Variants in CPT1A observed in about 807,000 individuals in gnomAD.
The protein encoded by CPT1A is carnitine palmitoyltransferase 1A, also known as carnitine O-palmitoyltransferase 1, liver isoform.
Under a neutral mutation model 100.8 loss-of-function variants are expected in CPT1A, and 64 were observed. That is an observed-to-expected ratio of 0.63 (90% CI 0.52 to 0.78). The LOEUF (loss-of-function observed/expected upper bound fraction) is 0.78. Ranked by LOEUF, CPT1A falls within the 30% of genes least tolerant of loss-of-function variation. The pLI is 0.00. For synonymous variants in CPT1A, 363 were observed against 396.0 expected (o/e 0.92, Z 0.99); for missense variants, 802 against 1,034.1 (o/e 0.78, Z 3.08).
chr11:68,765,451 C>T (rs1290330843), intron 14 of CPT1A, among the ~76,000 whole-genome samples: 3 of 152,122 alleles, frequency 2.0e-5, no homozygotes, highest in African/African-American at 4.8e-5. Flanking sequence ...TGTGACCAGC[C>T]GCCATCAGGA....
At chr11:68,764,195 T>G (rs1029544380) in intron 14 of CPT1A, among the ~76,000 whole-genome samples, 5 of 152,190 alleles carry the variant, frequency 3.3e-5, no homozygotes, top group African/African-American at 1.2e-4. Flanking sequence ...GAACAGCATC[T>G]GCGTGCTGCC....
In CPT1A at chr11:68,794,682, A is replaced by C. The variant is rs544399157; in HGVS notation, c.879+122T>G. 17 of 879,310 alleles carry C rather than the reference A, an allele frequency of 1.9e-5. No homozygotes were observed. The Admixed American group carries it at 3.2e-4, about 16-fold the overall frequency. The allele number at this position is 879,310 out of a possible 1,614,324, so 54.5% of individuals were successfully genotyped here. A position where few individuals can be genotyped will look rare whatever the true frequency, so the allele number is the denominator to read the frequency against. On this transcript the variant is annotated intron_variant, in intron 8 of 18. Coordinates refer to ENST00000265641, the MANE Select transcript of CPT1A (RefSeq NM_001876.4). ...TGCTTTGGCCTCCCAAAGTGCCAAG[A>C]TTACAGGCGTGAGACCCTGTGCCCG...
intron 1 of CPT1A, among the ~76,000 whole-genome samples, chr11:68,824,947 C>T (rs143571783): frequency 9.2e-4 from 140 of 152,156 alleles, no homozygotes; most frequent in African/African-American, 2.9e-3. Flanking sequence ...TACAGACACC[C>T]GACACTGCAC....
chr11:68,823,527 G>A (rs546306461), intron 1 of CPT1A, among the ~76,000 whole-genome samples: 37 of 152,214 alleles, frequency 2.4e-4, no homozygotes, highest in African/African-American at 8.4e-4. Context: ...GGTGGTTCAC[G>A]CCTGTAATCC....
At chr11:68,843,232 T>A (rs1236628713), upstream of CPT1A, among the ~76,000 whole-genome samples, 1 of 152,128 alleles carries the variant, frequency 6.6e-6, no homozygotes, top group Non-Finnish European at 1.5e-5. The surrounding 1 kb of genome is among the most constrained non-coding windows in gnomAD (Gnocchi z 4.0). Context: ...TTCACTTGGC[T>A]TACGTCGTAG....
chr11:68,825,535 C>G (rs1474418835), intron 1 of CPT1A, among the ~76,000 whole-genome samples: 1 of 152,162 alleles, frequency 6.6e-6, no homozygotes, highest in African/African-American at 2.4e-5. Context: ...CTTACCCCGT[C>G]CCCACTACCC....
intron 1 of CPT1A, among the ~76,000 whole-genome samples, chr11:68,826,720 T>G (rs1273938990): frequency 2.2e-5 from 3 of 134,064 alleles, no homozygotes; most frequent in South Asian, 2.7e-4. Context: ...GGTGAGAGAG[T>G]GAGACTCCCT....
intron 1 of CPT1A, among the ~76,000 whole-genome samples, chr11:68,825,883 G>A (rs1856713852): frequency 6.6e-6 from 1 of 152,202 alleles, no homozygotes; most frequent in Non-Finnish European, 1.5e-5. Flanking sequence ...AAAGCCGGGG[G>A]ACTGCAGAAG....
chr11:68,826,675 T>C (rs1328051402), intron 1 of CPT1A, among the ~76,000 whole-genome samples: 2 of 151,506 alleles, frequency 1.3e-5, no homozygotes, highest in Non-Finnish European at 2.9e-5. Flanking sequence ...GAGCCGGAGC[T>C]TGCAGTGAGC....
intron 11 of CPT1A, 143 bp from the exon 12 acceptor site, chr11:68,780,888 G>A (rs972484774): frequency 2.8e-6 from 2 of 704,980 alleles, no homozygotes; most frequent in Admixed American, 4.0e-5. Flanking sequence ...AGTCTCTGTG[G>A]AGTGAGGGTG....
intron 9 of CPT1A, among the ~76,000 whole-genome samples, chr11:68,785,396 A>G (rs955488567): frequency 3.3e-5 from 5 of 151,942 alleles, no homozygotes; most frequent in Non-Finnish European, 7.4e-5. Flanking sequence ...TCTTGCCTCT[A>G]CTAAAAATAC....
At chr11:68,822,310 T>G (rs575611725) in intron 1 of CPT1A, among the ~76,000 whole-genome samples, 4 of 151,628 alleles carry the variant, frequency 2.6e-5, no homozygotes, top group East Asian at 3.9e-4. Context: ...GACAGGAGGA[T>G]TGCTTTGGCT....
chr11:68,827,824 G>A lies in CPT1A; in HGVS notation c.-13-12337C>T, dbSNP rs139935778. 7.9e-5 allele frequency among the ~76,000 whole-genome samples: 12 copies of A among 152,216 alleles called. 1 individual carries two copies. The highest frequency in any genetic ancestry group is 7.7e-4 in the East Asian group (4 of 5,178). ...CACAAATGCTGCCTACTCTGTGCGC[G>A]GTCCTGCAACTTGCTTCTCGTCCAC... On this transcript the variant is annotated intron_variant, in intron 1 of 18. Coordinates refer to ENST00000265641, the MANE Select transcript of CPT1A (RefSeq NM_001876.4).
upstream of CPT1A, among the ~76,000 whole-genome samples, chr11:68,842,413 T>TG: frequency 6.6e-6 from 1 of 151,680 alleles, no homozygotes; most frequent in African/African-American, 2.4e-5. Flanking sequence ...GAGGCCAGCC[T>TG]GGGCAACGTA....
upstream of CPT1A, among the ~76,000 whole-genome samples, chr11:68,842,566 T>C (rs1857183252): frequency 6.6e-6 from 1 of 152,176 alleles, no homozygotes. Context: ...GCGTGGCTCC[T>C]CCTCATCTAG....
chr11:68,774,325 A>T (rs1855083458), intron 13 of CPT1A, among the ~76,000 whole-genome samples: 1 of 152,152 alleles, frequency 6.6e-6, no homozygotes, highest in Admixed American at 6.5e-5. Flanking sequence ...TGGGTAGGGG[A>T]CGGGGGCACC....
At chr11:68,792,234 G>A (rs553312943) in intron 9 of CPT1A, among the ~76,000 whole-genome samples, 89 of 152,252 alleles carry the variant, frequency 5.8e-4, no homozygotes, top group African/African-American at 2.1e-3. Context: ...CTACTCGGGA[G>A]GCTGAGGCAG....
At chr11:68,772,426 T>G (rs1855016059) in intron 14 of CPT1A, among the ~76,000 whole-genome samples, 1 of 152,150 alleles carries the variant, frequency 6.6e-6, no homozygotes, top group African/African-American at 2.4e-5. Context: ...AAGGGCCCCC[T>G]GTCTGGGATG....
chr11:68,769,299 C>T (rs1217266716), intron 14 of CPT1A, among the ~76,000 whole-genome samples: 1 of 152,096 alleles, frequency 6.6e-6, no homozygotes. Context: ...TGCAGTGGCA[C>T]GATCACGGCT....
Sources: gnomAD v4.1 joint callset for allele counts (sites outside exome capture counted in the v4.1 genomes callset) on GRCh38, gnomAD v4.1.1 for gene constraint, Gnocchi (gnomAD v3.1) non-coding constraint, MANE v1.5 for transcripts, NCBI Gene and HGNC (gene_info 2026-07-23, HGNC 2026-07-21) for gene names.